The following RIC8B variants were observed in gnomAD, a reference collection of about 807,000 sequenced individuals.
RIC8B encodes RIC8 guanine nucleotide exchange factor B.
A neutral mutation model predicts 57.5 loss-of-function variants in RIC8B; 16 were observed. The ratio of observed to expected loss-of-function variants is 0.28; its 90% CI spans 0.19 to 0.42. The LOEUF (loss-of-function observed/expected upper bound fraction) is 0.42. Among genes scored for constraint, RIC8B ranks in the 10% least tolerant of loss-of-function variants. RIC8B has a pLI of 1.00. For missense variants in RIC8B, 481 were observed against 677.0 expected, an observed-to-expected ratio of 0.71 and a Z score of 3.21; for synonymous variants, 216 against 250.8, an observed-to-expected ratio of 0.86 and a Z score of 1.31.
chr12:106,877,396 TAAATGA>T (rs1221003842), intron 9 of RIC8B, among the ~76,000 whole-genome samples: 1 of 152,104 alleles, frequency 6.6e-6, no homozygotes, highest in African/African-American at 2.4e-5. Context: ...AAATTTTAAA[TAAATGA>T]AAAGCACGAA....
chr12:106,782,014 CTTCT>C (rs1044851976), intron 1 of RIC8B, among the ~76,000 whole-genome samples: 2 of 151,842 alleles, frequency 1.3e-5, no homozygotes, highest in African/African-American at 4.8e-5. Flanking sequence ...TCCTCTCCTC[CTTCT>C]TTCTTTTTCT....
intron 8 of RIC8B, 30 bp downstream of exon 8, chr12:106,860,442 T>C: frequency 6.8e-7 from 1 of 1,466,252 alleles, no homozygotes; most frequent in Non-Finnish European, 9.1e-7. Flanking sequence ...TTCACCTAAC[T>C]ATGGCTGTGC....
intron 2 of RIC8B, among the ~76,000 whole-genome samples, chr12:106,813,460 G>T (rs2045431203): frequency 6.6e-6 from 1 of 152,130 alleles, no homozygotes; most frequent in East Asian, 1.9e-4. Context: ...GAAGTGCTGG[G>T]ATTACAGGCG....
chr12:106,807,308 G>T (rs1001461104), intron 2 of RIC8B, among the ~76,000 whole-genome samples: 7 of 152,212 alleles, frequency 4.6e-5, no homozygotes, highest in Admixed American at 3.3e-4. Context: ...TACAAAATAT[G>T]AGTGTTTATT....
intron 2 of RIC8B, among the ~76,000 whole-genome samples, chr12:106,801,927 C>G (rs2044751990): frequency 6.6e-6 from 1 of 152,202 alleles, no homozygotes; most frequent in Admixed American, 6.5e-5. Flanking sequence ...CCCCTACATA[C>G]ACGTGCTGTA....
intron 3 of RIC8B, among the ~76,000 whole-genome samples, chr12:106,817,689 G>T (rs1012501406): frequency 3.3e-5 from 5 of 152,050 alleles, no homozygotes; most frequent in Non-Finnish European, 7.4e-5. Flanking sequence ...GCTGGGCGTG[G>T]TCACGGGCGC....
intron 8 of RIC8B, among the ~76,000 whole-genome samples, chr12:106,865,418 T>C (rs1950099901): frequency 1.3e-5 from 2 of 152,184 alleles, no homozygotes; most frequent in Non-Finnish European, 2.9e-5. Context: ...TTCCCTGTTC[T>C]CAGAGCATCT....
At chr12:106,826,374 C>G (rs10400574) in intron 4 of RIC8B, among the ~76,000 whole-genome samples, 16,909 of 152,210 alleles carry the variant, frequency 0.11, 1,080 homozygotes, top group Middle Eastern at 0.16. Context: ...TTGAAGAGTA[C>G]TTACCAAAAA....
At chr12:106,796,234 C>G (rs2044475419) in intron 2 of RIC8B, among the ~76,000 whole-genome samples, 1 of 152,206 alleles carries the variant, frequency 6.6e-6, no homozygotes, top group African/African-American at 2.4e-5. Flanking sequence ...TTCACAATTC[C>G]TTATTTTAAA....
At chr12:106,777,399 A>T (rs2043542975) in intron 1 of RIC8B, among the ~76,000 whole-genome samples, 1 of 152,188 alleles carries the variant, frequency 6.6e-6, no homozygotes, top group Non-Finnish European at 1.5e-5. Context: ...AACCCTGAAA[A>T]AAAATAGTTG....
intron 2 of RIC8B, among the ~76,000 whole-genome samples, chr12:106,797,599 A>G (rs1054783157): frequency 3.3e-5 from 5 of 152,224 alleles, no homozygotes; most frequent in African/African-American, 9.6e-5. Flanking sequence ...AAGTGTGAAT[A>G]TAGTAAAAAC....
intron 8 of RIC8B, among the ~76,000 whole-genome samples, chr12:106,866,748 C>G (rs1950155089): frequency 6.6e-6 from 1 of 152,114 alleles, no homozygotes; most frequent in African/African-American, 2.4e-5. Context: ...AGATGAAAAT[C>G]TTGATTTCTA....
rs74236944 is a variant in RIC8B at position 106,779,734 on chromosome 12, G to A, written c.85-4263G>A. Among the ~76,000 whole-genome samples the A allele has an allele frequency of 6.8e-5, 10 of 146,576 alleles. No individual in the cohort carries two copies. In the East Asian group the frequency reaches 2.0e-3, roughly 30 times the overall value. ...CAAGCCATTGTTGGTTGAATCCACA[G>A]ATACAGAATCCTTTGGCTACTGTTG... On this transcript the variant is annotated intron_variant, in intron 1 of 9. Transcript: ENST00000392837.
Position 106,885,885 on chromosome 12 carries a change from C to A in RIC8B, c.1572-19C>A, listed in dbSNP as rs1452898782. 6.5e-7 allele frequency: 1 copy of A among 1,533,006 alleles called. No individual in the cohort carries two copies. The highest frequency in any genetic ancestry group is 1.1e-5 in the South Asian group (1 of 89,310). 95.0% of individuals were successfully genotyped at this position (1,533,006 alleles called of 1,614,324 possible). ...CTGGTGAATACTTTTTTTTCTCTCT[C>A]TTTTATCTCTTTTTCTAGAGAGGAG... On this transcript the variant is annotated intron_variant, in intron 9 of 9. Coordinates refer to ENST00000392837, the MANE Select transcript of RIC8B (RefSeq NM_001330145.2).
At chr12:106,847,650 C>T (rs1276771543) in intron 6 of RIC8B, among the ~76,000 whole-genome samples, 3 of 152,070 alleles carry the variant, frequency 2.0e-5, no homozygotes, top group Non-Finnish European at 4.4e-5. Flanking sequence ...TCTCCTGATA[C>T]ATGGTGGATA....
intron 9 of RIC8B, among the ~76,000 whole-genome samples, chr12:106,877,547 C>G (rs1057120814): frequency 6.6e-6 from 1 of 152,090 alleles, no homozygotes; most frequent in Non-Finnish European, 1.5e-5. Context: ...TATTTTAAAA[C>G]ACAAAACAAA....
rs187568503 is a variant in RIC8B, at chr12:106,858,428, G to T, written c.1307-1840G>T. Among the ~76,000 whole-genome samples the T allele has an allele frequency of 4.0e-3, 614 of 152,196 alleles. 19 individuals carry two copies. The highest frequency in any genetic ancestry group is 0.039 in the Admixed American group (591 of 15,280). Reference sequence around the variant, plus strand: ...CTTTGCCTTCAGTCGCTTTGTGTCTGACCATGTCATTAAGAAAATGTTTGA... The same window carrying T: ...CTTTGCCTTCAGTCGCTTTGTGTCTTACCATGTCATTAAGAAAATGTTTGA... On this transcript the variant is annotated intron_variant, in intron 7 of 9. Coordinates refer to ENST00000392837, the MANE Select transcript of RIC8B (RefSeq NM_001330145.2).
intron 9 of RIC8B, among the ~76,000 whole-genome samples, chr12:106,872,478 G>A (rs969230629): frequency 1.3e-5 from 2 of 152,138 alleles, no homozygotes; most frequent in Non-Finnish European, 2.9e-5. Context: ...AGACCAGCCT[G>A]ACCAACATGG....
chr12:106,804,659 A>G (rs956651710), intron 2 of RIC8B, among the ~76,000 whole-genome samples: 1 of 152,240 alleles, frequency 6.6e-6, no homozygotes, highest in Non-Finnish European at 1.5e-5. Flanking sequence ...TGTCATACTT[A>G]GTATGTATGT....
Sources: gnomAD v4.1 joint callset for allele counts (sites outside exome capture counted in the v4.1 genomes callset) on GRCh38, gnomAD v4.1.1 for gene constraint, MANE v1.5 for transcripts, NCBI Gene and HGNC (gene_info 2026-07-23, HGNC 2026-07-21) for gene names.